LSAMP: variants seen among roughly 807,000 people sequenced by gnomAD.
The protein encoded by LSAMP is limbic system associated membrane protein.
LSAMP carries 7 observed loss-of-function variants against 38.6 expected under a neutral mutation model. That is an observed-to-expected ratio of 0.18 (90% CI 0.10 to 0.34). LSAMP has a LOEUF of 0.34. Among genes scored for constraint, LSAMP ranks in the 10% least tolerant of loss-of-function variants. LSAMP has a pLI of 1.00. For missense variants in LSAMP, 313 were observed against 420.0 expected (o/e 0.75, Z 2.23); for synonymous variants, 154 against 166.8 (o/e 0.92, Z 0.59).
At chr3:116,219,713 A>T (rs1470722156) in intron 1 of LSAMP, among the ~76,000 whole-genome samples, 1 of 152,226 alleles carries the variant, frequency 6.6e-6, no homozygotes, top group Non-Finnish European at 1.5e-5. Flanking sequence ...TTTGTAAACC[A>T]TATACCTGAT....
At chr3:116,144,562 C>CTTTTTTT (rs3071080) in intron 1 of LSAMP, among the ~76,000 whole-genome samples, 1 of 142,148 alleles carries the variant, frequency 7.0e-6, no homozygotes, top group Non-Finnish European at 1.5e-5. Context: ...CATCACCTTA[C>CTTTTTTT]TTTTTTTTTT....
At chr3:116,444,823 C>G in intron 1 of LSAMP, 54 bp downstream of exon 1, 1 of 1,592,434 alleles carries the variant, frequency 6.3e-7, no homozygotes, top group Non-Finnish European at 8.6e-7. Context: ...CACACACACA[C>G]ACACACACAC....
intron 2 of LSAMP, among the ~76,000 whole-genome samples, chr3:116,026,573 T>C (rs1940797008): frequency 6.6e-6 from 1 of 152,196 alleles, no homozygotes; most frequent in African/African-American, 2.4e-5. Flanking sequence ...TTGGGACTCT[T>C]AATCAAGTGA....
intron 1 of LSAMP, among the ~76,000 whole-genome samples, chr3:116,230,319 G>A (rs542893550): frequency 1.3e-5 from 2 of 152,162 alleles, no homozygotes; most frequent in Admixed American, 1.3e-4. Context: ...TAGGGCTTCA[G>A]TATTGAGTTT....
intron 2 of LSAMP, among the ~76,000 whole-genome samples, chr3:116,048,422 G>T (rs1024342062): frequency 2.6e-5 from 4 of 152,164 alleles, no homozygotes; most frequent in African/African-American, 9.7e-5. Context: ...GAAATATAGT[G>T]CATTAAAGTG....
chr3:116,043,871 G>C (rs556003580), intron 2 of LSAMP, among the ~76,000 whole-genome samples: 1 of 152,212 alleles, frequency 6.6e-6, no homozygotes, highest in Non-Finnish European at 1.5e-5. Flanking sequence ...GCGTGAACCG[G>C]TCAGGCGGAG....
intron 4 of LSAMP, among the ~76,000 whole-genome samples, chr3:115,845,854 T>A (rs1209781045): frequency 6.6e-6 from 1 of 152,232 alleles, no homozygotes; most frequent in Non-Finnish European, 1.5e-5. Context: ...GGCAGCAAAC[T>A]AGGATTGAGC....
chr3:116,081,853 T>G (rs1707879909), intron 2 of LSAMP, among the ~76,000 whole-genome samples: 1 of 152,096 alleles, frequency 6.6e-6, no homozygotes, highest in Non-Finnish European at 1.5e-5. Flanking sequence ...TTAAAAAAAA[T>G]TATCTCCAAT....
intron 1 of LSAMP, among the ~76,000 whole-genome samples, chr3:116,272,166 T>C (rs2046982913): frequency 6.6e-6 from 1 of 150,970 alleles, no homozygotes; most frequent in African/African-American, 2.5e-5. Context: ...ATATATATAA[T>C]AAAAACAACA....
chr3:115,889,271 T>C (rs532745719), intron 3 of LSAMP, among the ~76,000 whole-genome samples: 38 of 152,044 alleles, frequency 2.5e-4, no homozygotes, highest in Middle Eastern at 3.4e-3. Context: ...AGTATAAAAC[T>C]TGAAGTGGAA....
At chr3:116,174,073 C>T (rs1379923912) in intron 1 of LSAMP, among the ~76,000 whole-genome samples, 1 of 151,946 alleles carries the variant, frequency 6.6e-6, no homozygotes, top group Non-Finnish European at 1.5e-5. Flanking sequence ...AAAGCAGCCT[C>T]ATTTATTTCC....
intron 1 of LSAMP, among the ~76,000 whole-genome samples, chr3:116,167,201 A>C (rs1710079673): frequency 1.3e-5 from 2 of 152,140 alleles, no homozygotes; most frequent in Non-Finnish European, 2.9e-5. Context: ...TCACCCAAGC[A>C]GTGTACACTG....
chr3:115,841,084 G>A (rs1266168443), intron 6 of LSAMP, among the ~76,000 whole-genome samples: 1 of 152,206 alleles, frequency 6.6e-6, no homozygotes, highest in African/African-American at 2.4e-5. Context: ...AAGGCAGGGT[G>A]TTAGAGACTT....
intron 1 of LSAMP, among the ~76,000 whole-genome samples, chr3:116,321,010 G>A (rs889053895): frequency 4.6e-5 from 7 of 152,040 alleles, no homozygotes; most frequent in African/African-American, 9.7e-5. Flanking sequence ...GGGTATCTTC[G>A]CATAGAAAAT....
At chr3:116,082,942 G>A (rs995029320) in intron 2 of LSAMP, among the ~76,000 whole-genome samples, 10 of 152,258 alleles carry the variant, frequency 6.6e-5, no homozygotes, top group African/African-American at 2.4e-4. Flanking sequence ...TGGGTACTAA[G>A]CTTAATACCT....
At chr3:116,054,787 G>C (rs1474064161) in intron 2 of LSAMP, among the ~76,000 whole-genome samples, 1 of 152,158 alleles carries the variant, frequency 6.6e-6, no homozygotes, top group African/African-American at 2.4e-5. Context: ...AACACGGTCT[G>C]ACATTTACAG....
At chr3:116,104,499 T>G in intron 1 of LSAMP, among the ~76,000 whole-genome samples, 1 of 152,062 alleles carries the variant, frequency 6.6e-6, no homozygotes, top group East Asian at 1.9e-4. Context: ...GGGAGAAATC[T>G]AATATGATAA....
chr3:116,333,463 G>A (rs772339191), intron 1 of LSAMP, among the ~76,000 whole-genome samples: 27 of 151,380 alleles, frequency 1.8e-4, no homozygotes, highest in Non-Finnish European at 3.5e-4. Flanking sequence ...GAACCCAGGA[G>A]GCGGAGGTTG....
At chr3:116,118,472 T>C (rs1708802524) in intron 1 of LSAMP, among the ~76,000 whole-genome samples, 1 of 152,232 alleles carries the variant, frequency 6.6e-6, no homozygotes, top group Admixed American at 6.5e-5. Flanking sequence ...CTTCCAAAAT[T>C]GTTTTTGCTG....
Sources: allele counts gnomAD v4.1 joint callset (sites outside exome capture counted in the v4.1 genomes callset), GRCh38; gene constraint gnomAD v4.1.1; transcripts MANE v1.5; gene names NCBI Gene and HGNC (gene_info 2026-07-23, HGNC 2026-07-21).